CKAP5: variants seen among roughly 807,000 people sequenced by gnomAD.
CKAP5 encodes the protein cytoskeleton-associated protein 5.
A neutral mutation model predicts 232.8 loss-of-function variants in CKAP5; 27 were observed. That is an observed-to-expected ratio of 0.12 (90% confidence interval 0.09 to 0.16). CKAP5 has a LOEUF of 0.16. Ranked by LOEUF, CKAP5 falls within the 10% of genes least tolerant of loss-of-function variation. The pLI is 1.00. For synonymous variants in CKAP5, 785 were observed against 841.1 expected, an observed-to-expected ratio of 0.93 and a Z score of 1.16; for missense variants, 1,838 against 2,424.7, an observed-to-expected ratio of 0.76 and a Z score of 5.08.
intron 8 of CKAP5, among the ~76,000 whole-genome samples, chr11:46,803,515 G>A (rs1405890175): frequency 6.6e-6 from 1 of 152,008 alleles, no homozygotes; most frequent in East Asian, 1.9e-4. Context: ...CAATCAGCCC[G>A]CCTCGGCCTC....
At chr11:46,807,241 T>C (rs1214533426) in intron 8 of CKAP5, among the ~76,000 whole-genome samples, 1 of 152,322 alleles carries the variant, frequency 6.6e-6, no homozygotes, top group South Asian at 2.1e-4. Flanking sequence ...TAACCCTGTA[T>C]TTCTCTTAGA....
chr11:46,773,550 T>C (rs1004122536), intron 24 of CKAP5, among the ~76,000 whole-genome samples: 10 of 140,344 alleles, frequency 7.1e-5, no homozygotes, highest in Admixed American at 4.3e-4. Context: ...CAACTGGACT[T>C]TTTTTTTTTT....
At position 46,762,705 on chromosome 11, in the gene CKAP5, A is replaced by T. The variant is rs918514472; in HGVS notation, c.3949T>A (p.Cys1317Ser). ...ATCTTGCTAGCTGGGTAGACAAGGC[A>T]CATCCGGTTCAGGATGGCACGAACA... The part of the protein sequence containing the change: ...KDVRAILNRM[C>S]LVYPASKMFP... Residue 1317 changes from cysteine (C) to serine (S), a missense_variant, in exon 31 of 44, where the codon TGC becomes AGC. Transcript: ENST00000529230. 2 of 1,614,056 alleles carry T rather than the reference A, an allele frequency of 1.2e-6. No individual in the cohort carries two copies. Among genetic ancestry groups the T allele is most frequent in the African/African-American group, 1.3e-5 (1 of 75,058 alleles).
rs1192921552 is a variant in CKAP5, at chr11:46,744,035, G to T, written c.6087C>A (p.Ser2029Arg). Residue 2029 changes from serine (S) to arginine (R), a missense_variant, in exon 44 of 44, where the codon AGC (serine) becomes AGA (arginine). Ser to Arg is a moderately radical substitution (Grantham distance 110, BLOSUM62 -1). Coordinates refer to ENST00000529230, the MANE Select transcript of CKAP5 (RefSeq NM_001008938.4). ...DLKKRLERIK[S>R]SRK ...GAGTGGGGCAGCTTCATTTGCGACT[G>T]CTCTTTATTCTCTCCAGTCTTTTTT... The T allele has an allele frequency of 6.2e-7, 1 of 1,612,920 alleles. No individual in the cohort carries two copies.
intron 35 of CKAP5, 172 bp downstream of exon 35, chr11:46,758,751 C>T: frequency 1.6e-6 from 1 of 614,492 alleles, no homozygotes; most frequent in Non-Finnish European, 2.7e-6. Flanking sequence ...ATTAGAGTCA[C>T]ATCCTCTGAG....
intron 13 of CKAP5, among the ~76,000 whole-genome samples, chr11:46,790,890 A>T (rs1195498024): frequency 1.3e-5 from 2 of 152,070 alleles, no homozygotes; most frequent in African/African-American, 4.8e-5. Context: ...GCTGCAAGAG[A>T]TCCTCCTGTC....
intron 16 of CKAP5, among the ~76,000 whole-genome samples, chr11:46,788,019 C>T (rs12363678): frequency 1.6e-4 from 24 of 152,182 alleles, no homozygotes; most frequent in Non-Finnish European, 3.2e-4. Flanking sequence ...TTAGGATTTT[C>T]TTAATCACAT....
chr11:46,839,670 T>C (rs996727857), intron 1 of CKAP5, among the ~76,000 whole-genome samples: 1 of 152,172 alleles, frequency 6.6e-6, no homozygotes, highest in Non-Finnish European at 1.5e-5. Context: ...TCCTGAATTC[T>C]CCTACAGATC....
At chr11:46,781,951 G>A (rs988171608) in intron 18 of CKAP5, among the ~76,000 whole-genome samples, 6 of 152,076 alleles carry the variant, frequency 3.9e-5, no homozygotes, top group African/African-American at 1.4e-4. Context: ...TCAGCCTCCT[G>A]AGTAGCTGGG....
At position 46,750,631 on chromosome 11, in the gene CKAP5, A is replaced by C. The variant is rs754914108; in HGVS notation, c.5461-20T>G. The C allele has an allele frequency of 6.3e-7, 1 of 1,589,426 alleles. No individual in the cohort carries two copies. Among genetic ancestry groups the C allele is most frequent in the South Asian group, 1.1e-5 (1 of 89,896 alleles). On this transcript the variant is annotated intron_variant, in intron 40 of 43. Transcript: ENST00000529230. ...TTCATCCTGAAAAGTTGAAAGACAT[A>C]GGAAGAATTGGTTAGACTTGAGTTA...
At chr11:46,757,776 C>T (rs1329273361) in intron 35 of CKAP5, among the ~76,000 whole-genome samples, 3 of 151,202 alleles carry the variant, frequency 2.0e-5, no homozygotes, top group Admixed American at 6.6e-5. Context: ...TTAGTAGAGA[C>T]GGGGTTTCAC....
At chr11:46,789,070 T>C (rs771169263) in intron 15 of CKAP5, among the ~76,000 whole-genome samples, 7 of 152,268 alleles carry the variant, frequency 4.6e-5, no homozygotes, top group Non-Finnish European at 1.0e-4. Flanking sequence ...TGCAAAATAA[T>C]AGTTTTCATT....
intron 11 of CKAP5, 22 bp downstream of exon 11, chr11:46,797,783 C>CA: frequency 6.3e-7 from 1 of 1,582,220 alleles, no homozygotes; most frequent in East Asian, 2.2e-5. Context: ...AATATTCCCC[C>CA]AACTTCAAAG....
At chr11:46,779,215 C>A (rs1042795637) in intron 20 of CKAP5, among the ~76,000 whole-genome samples, 12 of 152,092 alleles carry the variant, frequency 7.9e-5, no homozygotes, top group African/African-American at 2.9e-4. Context: ...TTCACTGCAA[C>A]CTATGCCTCC....
chr11:46,764,582 A>G (rs2065186381), intron 28 of CKAP5, among the ~76,000 whole-genome samples: 3 of 152,244 alleles, frequency 2.0e-5, no homozygotes. Flanking sequence ...AAATATACAT[A>G]TGATAGTAGA....
chr11:46,815,359 T>C (rs922508288), intron 4 of CKAP5, among the ~76,000 whole-genome samples: 6 of 152,132 alleles, frequency 3.9e-5, no homozygotes, highest in African/African-American at 1.4e-4. Flanking sequence ...TATTTATTTA[T>C]TTTTTAAAGA....
Position 46,753,172 on chromosome 11 carries a change from C to T in CKAP5, c.5057+138G>A, listed in dbSNP as rs758806157. The T allele has an allele frequency of 4.3e-5, 27 of 621,768 alleles. 1 individual carries two copies. The highest frequency in any genetic ancestry group is 2.6e-4 in the Admixed American group (8 of 30,616). The allele number at this position is 621,768 out of a possible 1,614,324, so 38.5% of individuals were successfully genotyped here. On this transcript the variant is annotated intron_variant, in intron 37 of 43. Coordinates refer to ENST00000529230, the MANE Select transcript of CKAP5 (RefSeq NM_001008938.4). ...ACTGATATAGTTATAACTGATGTAG[C>T]TATAACTTTAAGTGTGCCTAGGAAG... is the stretch of plus-strand genomic sequence containing the variant.
chr11:46,769,606 G>A (rs1337481696), intron 26 of CKAP5, among the ~76,000 whole-genome samples: 1 of 152,012 alleles, frequency 6.6e-6, no homozygotes, highest in African/African-American at 2.4e-5. Context: ...TGAGGCAGAA[G>A]GAACACTTGA....
chr11:46,748,481 T>C (rs932175514), intron 42 of CKAP5, among the ~76,000 whole-genome samples: 2 of 152,080 alleles, frequency 1.3e-5, no homozygotes, highest in Admixed American at 1.3e-4. Flanking sequence ...TGGAGAAGAA[T>C]GTAAATGGAT....
Sources: allele counts gnomAD v4.1 joint callset (sites outside exome capture counted in the v4.1 genomes callset), GRCh38; gene constraint gnomAD v4.1.1; transcripts MANE v1.5; gene names NCBI Gene and HGNC (gene_info 2026-07-23, HGNC 2026-07-21).